The following GNAQ variants were observed in gnomAD, a reference collection of about 807,000 sequenced individuals.
GNAQ encodes guanine nucleotide-binding protein G(q) subunit alpha.
GNAQ carries 8 observed loss-of-function variants against 43.9 expected under a neutral mutation model. That is an observed-to-expected ratio of 0.18 (90% CI 0.11 to 0.33). The LOEUF is 0.33. Among genes scored for constraint, GNAQ ranks in the 10% least tolerant of loss-of-function variants. The pLI, the probability that GNAQ is intolerant of heterozygous loss-of-function variation, is 1.00. For synonymous variants in GNAQ, 155 were observed against 170.7 expected (o/e 0.91, Z 0.71); for missense variants, 158 against 450.8 (o/e 0.35, Z 5.88).
chr9:77,954,985 G>A (rs72738413), intron 1 of GNAQ, among the ~76,000 whole-genome samples: 4 of 152,066 alleles, frequency 2.6e-5, no homozygotes, highest in African/African-American at 7.2e-5. Flanking sequence ...GTTAAACCAG[G>A]CCTCTCCTGC....
At chr9:78,012,008 A>G (rs1259816564) in intron 1 of GNAQ, among the ~76,000 whole-genome samples, 1 of 152,238 alleles carries the variant, frequency 6.6e-6, no homozygotes, top group African/African-American at 2.4e-5. Flanking sequence ...TAACCTGGAT[A>G]CGTTGTTAAG....
At chr9:77,742,254 CT>C (rs1199230760) in intron 5 of GNAQ, among the ~76,000 whole-genome samples, 3 of 152,140 alleles carry the variant, frequency 2.0e-5, no homozygotes, top group Admixed American at 1.3e-4. Flanking sequence ...AAAAAATGGG[CT>C]TTTTCTCTGT....
intron 2 of GNAQ, among the ~76,000 whole-genome samples, chr9:77,914,093 T>A (rs1828855107): frequency 6.6e-6 from 1 of 152,150 alleles, no homozygotes; most frequent in Admixed American, 6.5e-5. Context: ...TCATCTGCTA[T>A]TTTTACATGG....
chr9:77,721,646 C>T, intron 6 of GNAQ, 133 bp from the exon 7 acceptor site: 1 of 625,720 alleles, frequency 1.6e-6, no homozygotes, highest in South Asian at 2.0e-5. Flanking sequence ...CTGTTATAAT[C>T]ATTTTCCCTA....
At chr9:78,019,099 T>C (rs1416969952) in intron 1 of GNAQ, among the ~76,000 whole-genome samples, 2 of 152,326 alleles carry the variant, frequency 1.3e-5, no homozygotes, top group South Asian at 2.1e-4. Context: ...TAAAGAAATA[T>C]TGATGAAGTC....
intron 2 of GNAQ, among the ~76,000 whole-genome samples, chr9:77,821,735 G>T (rs1290001987): frequency 6.8e-6 from 1 of 146,920 alleles, no homozygotes; most frequent in Non-Finnish European, 1.5e-5. Flanking sequence ...GTGTGTGTGT[G>T]TGTGTGTGTG....
intron 1 of GNAQ, among the ~76,000 whole-genome samples, chr9:77,979,809 C>G (rs1025651575): frequency 5.9e-5 from 9 of 152,258 alleles, no homozygotes; most frequent in African/African-American, 2.2e-4. Context: ...CTTTGTTCCC[C>G]CTATGTGTAG....
intron 3 of GNAQ, among the ~76,000 whole-genome samples, chr9:77,805,833 C>G (rs991397787): frequency 2.0e-5 from 3 of 152,116 alleles, no homozygotes; most frequent in African/African-American, 7.2e-5. Flanking sequence ...GAGAAGGCTT[C>G]GAAATTATGC....
At chr9:78,012,261 G>A (rs1266346824) in intron 1 of GNAQ, among the ~76,000 whole-genome samples, 1 of 139,056 alleles carries the variant, frequency 7.2e-6, no homozygotes, top group Non-Finnish European at 1.5e-5. Context: ...TTTTTGAGAC[G>A]GAGTCTCACC....
At chr9:77,827,826 T>C (rs1332473010) in intron 2 of GNAQ, among the ~76,000 whole-genome samples, 1 of 151,764 alleles carries the variant, frequency 6.6e-6, no homozygotes, top group Admixed American at 6.6e-5. Flanking sequence ...TTAAAAAATA[T>C]ATGAGTTAGA....
chr9:77,762,349 C>T (rs1268720044), intron 5 of GNAQ, among the ~76,000 whole-genome samples: 4 of 141,382 alleles, frequency 2.8e-5, no homozygotes, highest in South Asian at 2.3e-4. Context: ...AGGTGAGGGG[C>T]GCCTCTGCCC....
chr9:77,875,708 A>G (rs544749583), intron 2 of GNAQ, among the ~76,000 whole-genome samples: 1 of 152,214 alleles, frequency 6.6e-6, no homozygotes, highest in East Asian at 1.9e-4. Context: ...TTTATACTTC[A>G]ATCATGCACC....
intron 5 of GNAQ, among the ~76,000 whole-genome samples, chr9:77,733,505 T>C (rs1825528020): frequency 1.3e-5 from 2 of 152,186 alleles, no homozygotes; most frequent in African/African-American, 4.8e-5. Context: ...TGTTCCTGAC[T>C]TGTGGCCCAC....
chr9:77,962,215 A>G (rs1358848537), intron 1 of GNAQ, among the ~76,000 whole-genome samples: 1 of 152,186 alleles, frequency 6.6e-6, no homozygotes, highest in South Asian at 2.1e-4. Context: ...GAATTTGAGT[A>G]CTAGAAGAAG....
intron 1 of GNAQ, among the ~76,000 whole-genome samples, chr9:78,003,167 A>C (rs1420913105): frequency 6.6e-6 from 1 of 152,230 alleles, no homozygotes; most frequent in African/African-American, 2.4e-5. Flanking sequence ...TATTACAGGA[A>C]ATCCATCCAA....
At chr9:77,828,436 T>A (rs1564123048) in intron 2 of GNAQ, among the ~76,000 whole-genome samples, 1 of 152,170 alleles carries the variant, frequency 6.6e-6, no homozygotes, top group African/African-American at 2.4e-5. Context: ...TCCAGAATCC[T>A]ACCCATCCTC....
chr9:77,922,180 T>C lies in GNAQ; in HGVS notation c.302A>G (p.Tyr101Cys). Residue 101 changes from tyrosine to cysteine, a missense_variant, in exon 2 of 7, where the codon TAC becomes TGC. Physicochemically the swap from Tyr to Cys is radical, Grantham distance 194 (BLOSUM62 -2). Around this residue, in one of 9 missense-constraint regions of GNAQ, gnomAD observed 57 missense variants for 78.2 expected, o/e 0.73. Coordinates refer to ENST00000286548, the MANE Select transcript of GNAQ (RefSeq NM_002072.5). ...IRAMDTLKIP[Y>C]KYEHNKAHAQ... is the part of the protein sequence containing the mutation. ...ACCTACCTTATTGTGCTCATACTTGTATGGGATCTTGAGTGTGTCCATGGC... is the reference window on the plus strand; with the variant it reads ...ACCTACCTTATTGTGCTCATACTTGCATGGGATCTTGAGTGTGTCCATGGC... 6.2e-7 allele frequency: 1 copy of C among 1,613,182 alleles called. No homozygotes were observed. Among genetic ancestry groups the C allele is most frequent in the Non-Finnish European group, 8.5e-7 (1 of 1,179,172 alleles).
intron 2 of GNAQ, among the ~76,000 whole-genome samples, chr9:77,875,484 A>G (rs1200408855): frequency 3.3e-5 from 5 of 152,230 alleles, no homozygotes; most frequent in Admixed American, 2.6e-4. Flanking sequence ...AGGTCCATCT[A>G]CTTATCTGCT....
chr9:77,938,667 T>C (rs1213633443), intron 1 of GNAQ, among the ~76,000 whole-genome samples: 1 of 152,274 alleles, frequency 6.6e-6, no homozygotes, highest in East Asian at 1.9e-4. Flanking sequence ...GGCTTGAACC[T>C]GGGAATCCGA....
Sources: allele counts gnomAD v4.1 joint callset (sites outside exome capture counted in the v4.1 genomes callset), GRCh38; gene constraint gnomAD v4.1.1; regional missense constraint gnomAD v4.1.1; transcripts MANE v1.5; gene names NCBI Gene and HGNC (gene_info 2026-07-23, HGNC 2026-07-21).